The following GYS2 variants were observed in gnomAD, a reference collection of about 807,000 sequenced individuals.
The protein encoded by GYS2 is glycogen synthase 2.
In GYS2, 80 loss-of-function variants were observed where a neutral mutation model predicts 85.6. That is an observed-to-expected ratio of 0.93 (90% CI 0.78 to 1.13). The LOEUF (loss-of-function observed/expected upper bound fraction) is 1.13. Ranked by LOEUF, GYS2 falls within the 50% of genes most tolerant of loss-of-function variation. GYS2 has a pLI of 0.00. For missense variants in GYS2, 881 were observed against 854.9 expected (o/e 1.03, Z -0.38); for synonymous variants, 328 against 300.7 (o/e 1.09, Z -0.94).
At chr12:21,542,439 C>T in intron 13 of GYS2, 57 bp downstream of exon 13, 1 of 1,013,744 alleles carries the variant, frequency 9.9e-7, no homozygotes, top group Non-Finnish European at 1.6e-6. Flanking sequence ...AGACCCTGTG[C>T]TTTGTTTGGT....
chr12:21,536,487 T>C lies in GYS2; in HGVS notation c.*467A>G, dbSNP rs1943911634. On this transcript the variant is annotated 3_prime_UTR_variant, in exon 16 of 16. Coordinates refer to ENST00000261195, the MANE Select transcript of GYS2 (RefSeq NM_021957.4). ...TCATGGTTCTGATGCATGTGAAAAATGAAAATAATCAGTAAAAACCTAGCT... is the reference window on the plus strand; with the variant it reads ...TCATGGTTCTGATGCATGTGAAAAACGAAAATAATCAGTAAAAACCTAGCT... The C allele has an allele frequency of 5.6e-6, 1 of 179,232 alleles. No homozygotes were observed. The highest frequency in any genetic ancestry group is 5.6e-5 in the Admixed American group (1 of 17,828). 11.1% of individuals were successfully genotyped at this position (179,232 alleles called of 1,614,324 possible). A position where few individuals can be genotyped will look rare whatever the true frequency, so the allele number is the denominator to read the frequency against.
downstream of GYS2, chr12:21,534,958 CA>C: frequency 6.6e-6 from 1 of 152,302 alleles, no homozygotes; most frequent in East Asian, 1.9e-4. Context: ...TACTAAAAAT[CA>C]TATTTGCTTC....
intron 7 of GYS2, among the ~76,000 whole-genome samples, chr12:21,561,523 G>A (rs1264942214): frequency 1.3e-5 from 2 of 152,050 alleles, no homozygotes; most frequent in East Asian, 3.8e-4. Flanking sequence ...TGTACTATGT[G>A]GAAAGAGAAT....
intron 2 of GYS2, 92 bp downstream of exon 2, chr12:21,580,250 T>C (rs765502223): frequency 8.7e-6 from 10 of 1,146,236 alleles, no homozygotes; most frequent in East Asian, 2.3e-5. Flanking sequence ...CTTAAGTAAG[T>C]GAATGGTCTT....
intron 11 of GYS2, among the ~76,000 whole-genome samples, chr12:21,556,085 C>T (rs1187088467): frequency 6.6e-6 from 1 of 152,168 alleles, no homozygotes; most frequent in African/African-American, 2.4e-5. Context: ...CTCTTTCTTT[C>T]CCTGACTTTT....
intron 5 of GYS2, among the ~76,000 whole-genome samples, chr12:21,565,390 AATATATATATATATATAT>A (rs55790137): frequency 0.019 from 1,397 of 73,636 alleles, 29 homozygotes; most frequent in South Asian, 0.051. Flanking sequence ...CCATCCATGA[AATATATATATATATATAT>A]ATATATATAT....
Position 21,576,566 on chromosome 12 carries a change from G to T in GYS2, c.304-509C>A, listed in dbSNP as rs564645254. Among the ~76,000 whole-genome samples the T allele has an allele frequency of 3.9e-5, 6 of 152,116 alleles. No individual in the cohort carries two copies. In the East Asian group the frequency reaches 1.2e-3, roughly 30 times the overall value. On this transcript the variant is annotated intron_variant, in intron 2 of 15. Transcript: ENST00000261195. ...TACTATTCCTATCAAAAGAAGTGAT[G>T]CAAAATGTTTCCCAGTATGGTTGCT...
chr12:21,537,354 ATATATAGC>A (rs1220680281), intron 15 of GYS2, 179 bp from the exon 16 acceptor site: 1 of 629,272 alleles, frequency 1.6e-6, no homozygotes, highest in Admixed American at 2.5e-5. Context: ...GATTCATTCA[ATATATAGC>A]TATTCTTTAT....
intron 12 of GYS2, among the ~76,000 whole-genome samples, chr12:21,543,933 C>T (rs967755610): frequency 2.0e-5 from 3 of 152,024 alleles, no homozygotes; most frequent in African/African-American, 4.8e-5. Context: ...TCTACAATGC[C>T]GTGAAAGTTC....
At chr12:21,540,598 C>T in intron 13 of GYS2, 25 bp from the exon 14 acceptor site, 2 of 1,605,768 alleles carry the variant, frequency 1.2e-6, no homozygotes, top group Non-Finnish European at 1.7e-6. Context: ...AGCCAAAGCA[C>T]AAGTAAAAGT....
chr12:21,546,661 G>A lies in GYS2; in HGVS notation c.1423-191C>T, dbSNP rs73238712. 0.017 allele frequency among the ~76,000 whole-genome samples: 2,567 copies of A among 152,258 alleles called. 74 individuals carry two copies. The highest frequency in any genetic ancestry group is 0.053 in the African/African-American group (2,187 of 41,538). ...TTTGTTCTCCTCTCTCCATTCTGTA[G>A]AAGTGTCTATGCTGCATATTTAACT... is the stretch of plus-strand genomic sequence containing the variant. On this transcript the variant is annotated intron_variant, in intron 11 of 15. Coordinates refer to ENST00000261195, the MANE Select transcript of GYS2 (RefSeq NM_021957.4).
intron 11 of GYS2, 117 bp downstream of exon 11, chr12:21,558,083 T>C (rs1290775986): frequency 6.8e-6 from 5 of 732,548 alleles, no homozygotes. Flanking sequence ...CCCATTTTCC[T>C]TTAAAATACT....
intron 1 of GYS2, among the ~76,000 whole-genome samples, chr12:21,598,342 A>G (rs376481475): frequency 3.4e-4 from 51 of 152,164 alleles, no homozygotes; most frequent in African/African-American, 1.2e-3. Flanking sequence ...TATATCAATA[A>G]AAGAAAGTCG....
At chr12:21,561,123 A>G (rs1476957235) in intron 7 of GYS2, among the ~76,000 whole-genome samples, 1 of 152,204 alleles carries the variant, frequency 6.6e-6, no homozygotes, top group Non-Finnish European at 1.5e-5. Context: ...GGTGCTTTAA[A>G]TATACTACTA....
At chr12:21,565,777 G>T (rs1320031641) in intron 5 of GYS2, among the ~76,000 whole-genome samples, 1 of 148,752 alleles carries the variant, frequency 6.7e-6, no homozygotes, top group Non-Finnish European at 1.5e-5. Flanking sequence ...AAGCAACATT[G>T]GTCACTAATT....
chr12:21,584,705 G>A (rs1393046016), intron 1 of GYS2, among the ~76,000 whole-genome samples: 1 of 152,206 alleles, frequency 6.6e-6, no homozygotes, highest in African/African-American at 2.4e-5. Flanking sequence ...ATCATGGAAA[G>A]GGCAGAGGCT....
At chr12:21,575,725 C>T in intron 3 of GYS2, 141 bp downstream of exon 3, 2 of 722,862 alleles carry the variant, frequency 2.8e-6, no homozygotes, top group African/African-American at 1.7e-5. Flanking sequence ...AACATTTCCT[C>T]AGATTTCTTT....
intron 11 of GYS2, among the ~76,000 whole-genome samples, chr12:21,553,024 T>G (rs919960116): frequency 6.6e-6 from 1 of 152,254 alleles, no homozygotes. Flanking sequence ...GTATTTACTA[T>G]GTGCCAAGCT....
rs1943945646 is a variant in GYS2, at chr12:21,539,330, C to G, written c.1818G>C (p.Gln606His). 2 of 1,591,436 alleles carry G rather than the reference C, an allele frequency of 1.3e-6. No individual in the cohort carries two copies. The highest frequency in any genetic ancestry group is 2.2e-5 in the South Asian group (2 of 90,578). The stretch of plus-strand genomic sequence containing the variant: ...TGCTTAATGTCAGGTGTCTGGCATG[C>G]TGGTAATACTATTGATAGAAAGCCA... ...LDWRYLGRYY[Q>H]HARHLTLSRA... Residue 606 changes from glutamine (Q) to histidine (H), a missense_variant, in exon 15 of 16, where the codon CAG (glutamine) becomes CAC (histidine). Transcript: ENST00000261195.
Sources: allele counts gnomAD v4.1 joint callset (sites outside exome capture counted in the v4.1 genomes callset), GRCh38; gene constraint gnomAD v4.1.1; transcripts MANE v1.5; gene names NCBI Gene and HGNC (gene_info 2026-07-23, HGNC 2026-07-21).